Variants in ADGRB3 observed in about 807,000 individuals in gnomAD.
ADGRB3 encodes the protein brain-specific angiogenesis inhibitor 3.
Under a neutral mutation model 193.4 loss-of-function variants are expected in ADGRB3, and 37 were observed. The ratio of observed to expected loss-of-function variants is 0.19; its 90% CI spans 0.15 to 0.25. The LOEUF is 0.25. ADGRB3 is among the 10% of genes least tolerant of loss of function. The probability of loss-of-function intolerance (pLI) is 1.00; values close to 1 mark genes in which losing one functional copy is unlikely to be tolerated. For synonymous variants in ADGRB3, 690 were observed against 644.2 expected (o/e 1.07, Z -1.08); for missense variants, 1,637 against 1,852.9 (o/e 0.88, Z 2.14).
chr6:68,696,248 T>G (rs558986028), intron 3 of ADGRB3, among the ~76,000 whole-genome samples: 119 of 152,154 alleles, frequency 7.8e-4, no homozygotes, highest in African/African-American at 2.8e-3. Context: ...CGCTGTGGAA[T>G]CAAATGCTTA....
intron 17 of ADGRB3, among the ~76,000 whole-genome samples, chr6:69,108,545 T>G (rs1561921434): frequency 6.6e-6 from 1 of 151,868 alleles, no homozygotes. Flanking sequence ...ACACCTTATT[T>G]TGTGTGTGTG....
intron 20 of ADGRB3, among the ~76,000 whole-genome samples, chr6:69,321,833 G>T (rs1470993290): frequency 6.6e-6 from 1 of 151,818 alleles, no homozygotes; most frequent in Non-Finnish European, 1.5e-5. Flanking sequence ...AAAAATCAGT[G>T]TGTGTTTCCT....
chr6:69,237,207 A>G (rs190284660), intron 19 of ADGRB3, among the ~76,000 whole-genome samples: 2 of 152,106 alleles, frequency 1.3e-5, no homozygotes, highest in Admixed American at 1.3e-4. Context: ...GTATAATATT[A>G]CTGTATGCTA....
intron 17 of ADGRB3, among the ~76,000 whole-genome samples, chr6:69,211,549 A>G (rs947986051): frequency 3.9e-5 from 6 of 152,194 alleles, no homozygotes; most frequent in East Asian, 1.9e-4. Context: ...ATCATAAAAA[A>G]TGTAACAACT....
chr6:68,882,028 T>C (rs2150224722), intron 3 of ADGRB3, among the ~76,000 whole-genome samples: 1 of 152,322 alleles, frequency 6.6e-6, no homozygotes, highest in South Asian at 2.1e-4. Context: ...TATTTTGTTC[T>C]CCTAGGTGTT....
At chr6:68,669,646 G>GTGTGTA (rs150246343) in intron 3 of ADGRB3, among the ~76,000 whole-genome samples, 1 of 136,600 alleles carries the variant, frequency 7.3e-6, no homozygotes, top group Non-Finnish European at 1.6e-5. Flanking sequence ...GTGTGTGTGT[G>GTGTGTA]TGTGTATACC....
At chr6:68,902,944 T>C (rs1254409357) in intron 3 of ADGRB3, among the ~76,000 whole-genome samples, 1 of 152,182 alleles carries the variant, frequency 6.6e-6, no homozygotes, top group Non-Finnish European at 1.5e-5. Context: ...TCTCTGATTA[T>C]GGAATGTAGA....
At chr6:69,371,556 A>T (rs985418986) in intron 29 of ADGRB3, among the ~76,000 whole-genome samples, 1 of 152,118 alleles carries the variant, frequency 6.6e-6, no homozygotes, top group African/African-American at 2.4e-5. Context: ...CTCTCATCAA[A>T]AAATTCTAAA....
intron 20 of ADGRB3, among the ~76,000 whole-genome samples, chr6:69,273,192 C>T (rs897061244): frequency 1.3e-5 from 2 of 152,130 alleles, no homozygotes; most frequent in African/African-American, 2.4e-5. Flanking sequence ...TGAGCCACTG[C>T]GCCTGGCCCT....
chr6:68,946,146 T>C (rs1295811018), intron 6 of ADGRB3, among the ~76,000 whole-genome samples: 1 of 152,148 alleles, frequency 6.6e-6, no homozygotes, highest in Non-Finnish European at 1.5e-5. Flanking sequence ...TCTTATCACA[T>C]TGTATCCCTA....
At chr6:68,866,603 G>C (rs991456461) in intron 3 of ADGRB3, among the ~76,000 whole-genome samples, 1 of 152,328 alleles carries the variant, frequency 6.6e-6, no homozygotes, top group Middle Eastern at 3.4e-3. Context: ...GGAGGGCTCA[G>C]AAGAAGAAAG....
At chr6:69,239,309 C>A in intron 20 of ADGRB3, 83 bp downstream of exon 20, 2 of 957,570 alleles carry the variant, frequency 2.1e-6, no homozygotes, top group African/African-American at 1.7e-5. Context: ...AACATTCATT[C>A]TAAAATGGAG....
At position 69,355,949 on chromosome 6, in the gene ADGRB3, C is replaced by G. The variant is rs1296331897; in HGVS notation, c.3595+89C>G. The G allele has an allele frequency of 3.5e-6, 4 of 1,138,874 alleles. No individual in the cohort carries two copies. In the African/African-American group the frequency reaches 6.2e-5, roughly 18 times the overall value. The allele number at this position is 1,138,874 out of a possible 1,614,324, so 70.5% of individuals were successfully genotyped here. ...ATTTTAAAGAAAATGCTGTGGTTTA[C>G]ACATTACATATTGTTCTGTGAAAGG... On this transcript the variant is annotated intron_variant, in intron 28 of 31. Transcript: ENST00000370598.
At chr6:69,316,868 G>A (rs1031633544) in intron 20 of ADGRB3, among the ~76,000 whole-genome samples, 2 of 151,426 alleles carry the variant, frequency 1.3e-5, no homozygotes, top group Non-Finnish European at 3.0e-5. Context: ...AATACTGGAC[G>A]GTTGGTTGGT....
At chr6:69,172,658 AAAAAAAAAAAAAAAG>A (rs1162331040) in intron 17 of ADGRB3, among the ~76,000 whole-genome samples, 2 of 147,288 alleles carry the variant, frequency 1.4e-5, no homozygotes, top group Admixed American at 1.4e-4. Context: ...AAAAAAAAAA[AAAAAAAAAAAAAAAG>A]AGAAATAAAG....
intron 3 of ADGRB3, among the ~76,000 whole-genome samples, chr6:68,893,611 GA>G (rs1766140448): frequency 1.3e-5 from 2 of 149,892 alleles, no homozygotes; most frequent in Admixed American, 6.6e-5. Context: ...CAAAGAGGAG[GA>G]AAGAGAAAAA....
chr6:68,967,614 C>G (rs998410996), intron 8 of ADGRB3, among the ~76,000 whole-genome samples: 1 of 151,728 alleles, frequency 6.6e-6, no homozygotes, highest in Non-Finnish European at 1.5e-5. Context: ...CACCTCCACC[C>G]CCGCCCCACA....
chr6:69,256,499 CTGTT>C (rs1411218746), intron 20 of ADGRB3, among the ~76,000 whole-genome samples: 1 of 151,980 alleles, frequency 6.6e-6, no homozygotes, highest in Admixed American at 6.5e-5. Context: ...ATTTGGCTCT[CTGTT>C]TGTCTGTTAT....
chr6:68,652,565 A>G (rs891015868), intron 3 of ADGRB3, among the ~76,000 whole-genome samples: 3 of 152,200 alleles, frequency 2.0e-5, no homozygotes, highest in Middle Eastern at 6.8e-3. Context: ...GCTTACTCCA[A>G]TCATGTGTTT....
Sources: allele counts gnomAD v4.1 joint callset (sites outside exome capture counted in the v4.1 genomes callset), GRCh38; gene constraint gnomAD v4.1.1; transcripts MANE v1.5; gene names NCBI Gene and HGNC (gene_info 2026-07-23, HGNC 2026-07-21).